Variants in BTD observed in about 807,000 individuals in gnomAD.
The protein encoded by BTD is biotinidase, also known as biocytinase.
Under a neutral mutation model 17.7 loss-of-function variants are expected in BTD, and 13 were observed. That is an observed-to-expected ratio of 0.74 (90% CI 0.48 to 1.17). The LOEUF is 1.17. Ranked by LOEUF, BTD falls within the 50% of genes most tolerant of loss-of-function variation. The pLI is 0.00. For missense variants in BTD, 674 were observed against 650.4 expected (o/e 1.04, Z -0.39); for synonymous variants, 240 against 245.2 (o/e 0.98, Z 0.20).
downstream of BTD, among the ~76,000 whole-genome samples, chr3:15,717,699 T>G (rs373850382): frequency 1.4e-4 from 21 of 152,320 alleles, no homozygotes; most frequent in South Asian, 3.7e-3. Flanking sequence ...CCAAAATCTA[T>G]TCTTAAAGAA....
At chr3:15,713,852 A>C (rs769499735), downstream of BTD, among the ~76,000 whole-genome samples, 1 of 152,216 alleles carries the variant, frequency 6.6e-6, no homozygotes. Flanking sequence ...ATAAGATTTT[A>C]GTAGATTTTT....
downstream of BTD, chr3:15,713,594 T>C (rs1404836251): frequency 5.6e-6 from 9 of 1,610,644 alleles, no homozygotes; most frequent in Middle Eastern, 1.7e-4. Context: ...CGTGCTGCTA[T>C]GTGCAAAGGG....
chr3:15,651,980 T>C lies in BTD; in HGVS notation c.*6492T>C, dbSNP rs2065812255. On this transcript the variant is annotated 3_prime_UTR_variant, in exon 4 of 4. Transcript: ENST00000643237. The stretch of plus-strand genomic sequence containing the variant: ...CACATTTTTCTGGGGTCGTTTTGTG[T>C]AACCAATAAAATATGGCAGATGCGA... Among the ~76,000 whole-genome samples, 1 of 152,240 alleles carries C rather than the reference T, an allele frequency of 6.6e-6. No homozygotes were observed. Among genetic ancestry groups the C allele is most frequent in the Non-Finnish European group, 1.5e-5 (1 of 68,040 alleles).
intron 3 of BTD, among the ~76,000 whole-genome samples, chr3:15,670,759 A>G (rs1575058930): frequency 6.6e-6 from 1 of 152,212 alleles, no homozygotes; most frequent in South Asian, 2.1e-4. Context: ...AGGGGATGTT[A>G]GACTAGACAA....
chr3:15,630,955 C>T (rs966664821), intron 1 of BTD, among the ~76,000 whole-genome samples: 3 of 151,998 alleles, frequency 2.0e-5, no homozygotes, highest in African/African-American at 7.3e-5. Flanking sequence ...ATGTGACAAT[C>T]AGATAACAAG....
downstream of BTD, among the ~76,000 whole-genome samples, chr3:15,655,323 G>A (rs1355624466): frequency 2.0e-5 from 3 of 151,498 alleles, no homozygotes; most frequent in Non-Finnish European, 4.4e-5. Context: ...TATAATAAAA[G>A]CCAGTATTTT....
At chr3:15,718,004 G>T (rs1035010075) in intron 4 of BTD, among the ~76,000 whole-genome samples, 1 of 152,090 alleles carries the variant, frequency 6.6e-6, no homozygotes, top group Admixed American at 6.6e-5. Flanking sequence ...AAGAATATGA[G>T]GGTTAGTAAA....
At chr3:15,695,990 A>C (rs1439495426) in intron 3 of BTD, 1 of 638,482 alleles carries the variant, frequency 1.6e-6, no homozygotes, top group Non-Finnish European at 2.7e-6. Context: ...TACTAAAGCA[A>C]GTGTGAATTT....
At chr3:15,632,384 C>T (rs2065235532) in intron 1 of BTD, among the ~76,000 whole-genome samples, 2 of 152,216 alleles carry the variant, frequency 1.3e-5, no homozygotes, top group Non-Finnish European at 2.9e-5. Context: ...CAGCACCTTC[C>T]TGGTTCTGCT....
At chr3:15,638,130 A>G (rs2065401366) in intron 2 of BTD, among the ~76,000 whole-genome samples, 1 of 152,216 alleles carries the variant, frequency 6.6e-6, no homozygotes, top group Non-Finnish European at 1.5e-5. Context: ...CATCTCTTCA[A>G]AGAATCGAGA....
At chr3:15,681,985 C>T (rs1328774317) in intron 3 of BTD, among the ~76,000 whole-genome samples, 1 of 152,084 alleles carries the variant, frequency 6.6e-6, no homozygotes, top group Non-Finnish European at 1.5e-5. Context: ...TACTAAGATA[C>T]AGCAATGGAA....
In BTD at chr3:15,645,173, C is replaced by T. The variant is rs746798796; in HGVS notation, c.1257C>T (p.Ala419=). 1 of 1,614,110 alleles carries T rather than the reference C, an allele frequency of 6.2e-7. No homozygotes were observed. Among genetic ancestry groups the T allele is most frequent in the Non-Finnish European group, 8.5e-7 (1 of 1,180,008 alleles). Residue 419 remains alanine (A), a synonymous_variant, in exon 4 of 4, where the codon GCC becomes GCT. Transcript: ENST00000643237. ...ERPTLSKELY[A]LGVFDGLHTV... ...CCACCTTATCCAAAGAGCTGTATGC[C>T]CTGGGGGTCTTTGATGGGCTTCACA...
At chr3:15,699,614 GC>G (rs1437635344) in intron 3 of BTD, among the ~76,000 whole-genome samples, 1 of 152,284 alleles carries the variant, frequency 6.6e-6, no homozygotes, top group East Asian at 1.9e-4. Flanking sequence ...CATTTATGCA[GC>G]CAATAGACAT....
chr3:15,638,438 C>T (rs964012938), intron 2 of BTD, among the ~76,000 whole-genome samples: 1 of 152,180 alleles, frequency 6.6e-6, no homozygotes, highest in African/African-American at 2.4e-5. Context: ...CACCAAGCCA[C>T]AGACTTGTCT....
chr3:15,602,156 C>T (rs1559571647), intron 1 of BTD: 11 of 1,411,458 alleles, frequency 7.8e-6, no homozygotes, highest in Admixed American at 2.9e-5. Context: ...TATTGTAGCG[C>T]ACGTTACTTA....
chr3:15,611,622 C>A (rs1379853051), intron 1 of BTD, among the ~76,000 whole-genome samples: 1 of 151,470 alleles, frequency 6.6e-6, no homozygotes. Context: ...TTAGTTTTTT[C>A]TTTTATCCGA....
chr3:15,604,437 C>A (rs552215402), intron 1 of BTD, among the ~76,000 whole-genome samples: 1 of 152,350 alleles, frequency 6.6e-6, no homozygotes, highest in Non-Finnish European at 1.5e-5. Context: ...GGACCCTGGA[C>A]CTGACCCATG....
intron 1 of BTD, among the ~76,000 whole-genome samples, chr3:15,607,328 A>G (rs376574123): frequency 2.6e-5 from 4 of 152,232 alleles, no homozygotes; most frequent in East Asian, 3.8e-4. Flanking sequence ...CTAGTCATCA[A>G]AGAATCTGCA....
At position 15,696,202 on chromosome 3, in the gene BTD, G is replaced by A. The variant is rs779113898; in HGVS notation, c.400-13858G>A. The A allele has an allele frequency of 2.1e-5, 33 of 1,591,740 alleles. No homozygotes were observed. The highest frequency in any genetic ancestry group is 2.8e-5 in the Non-Finnish European group (33 of 1,166,962). On this transcript the variant is annotated intron_variant, in intron 3 of 3. Transcript: ENST00000672141. Reference sequence around the variant, plus strand: ...ACTGCGTTGTATCCTTGCTTATCACGGATCCCTGGATTTGCATCGTTTCTT... The same window carrying A: ...ACTGCGTTGTATCCTTGCTTATCACAGATCCCTGGATTTGCATCGTTTCTT...
Sources: gnomAD v4.1 joint callset for allele counts (sites outside exome capture counted in the v4.1 genomes callset) on GRCh38, gnomAD v4.1.1 for gene constraint, MANE v1.5 for transcripts, NCBI Gene and HGNC (gene_info 2026-07-23, HGNC 2026-07-21) for gene names.